The following AP3S2 variants were observed in gnomAD, a reference collection of about 807,000 sequenced individuals.
AP3S2 encodes adaptor related protein complex 3 subunit sigma 2.
A neutral mutation model predicts 23.4 loss-of-function variants in AP3S2; 22 were observed. The observed-to-expected ratio is 0.94, with a 90% confidence interval of 0.67 to 1.34. AP3S2 has a LOEUF of 1.34. Ranked by LOEUF, AP3S2 falls within the 40% of genes most tolerant of loss-of-function variation. The pLI is 0.00. For synonymous variants in AP3S2, 86 were observed against 87.1 expected (o/e 0.99, Z 0.07); for missense variants, 241 against 236.9 (o/e 1.02, Z -0.11).
intron 4 of AP3S2, among the ~76,000 whole-genome samples, chr15:89,869,580 A>G (rs1195565139): frequency 1.3e-5 from 2 of 150,872 alleles, no homozygotes; most frequent in African/African-American, 2.4e-5. Context: ...AAAAAAAAAA[A>G]AAAAAAGAAA....
In AP3S2 at chr15:89,836,776, C is replaced by T. The variant is rs1596184134; in HGVS notation, c.453+839G>A. ...ACTCACTTACTATTCCTGGAATCTT[C>T]CCAGCCTACATTTCTAAAAGAACTA... On this transcript the variant is annotated intron_variant, in intron 5 of 5. Coordinates refer to ENST00000336418, the MANE Select transcript of AP3S2 (RefSeq NM_005829.5). Among the ~76,000 whole-genome samples the T allele has an allele frequency of 4.6e-5, 7 of 152,294 alleles. 1 individual carries two copies. Among genetic ancestry groups the T allele is most frequent in the Admixed American group, 3.9e-4 (6 of 15,296 alleles).
chr15:89,833,227 G>A lies in AP3S2; in HGVS notation c.*2288C>T, dbSNP rs4932145. 42,684 of 152,040 alleles carry A rather than the reference G, an allele frequency of 0.28. 6,542 individuals are homozygous for A. The highest frequency in any genetic ancestry group is 0.58 in the East Asian group (2,986 of 5,170). 9.4% of individuals were successfully genotyped at this position (152,040 alleles called of 1,614,324 possible). ...ATCAGTTAAATGGAGGGACACAGAC[G>A]ACTCTTTGGCTCTTATACTCTATGA... On this transcript the variant is annotated 3_prime_UTR_variant, in exon 6 of 6. Coordinates refer to ENST00000336418, the MANE Select transcript of AP3S2 (RefSeq NM_005829.5).
intron 4 of AP3S2, chr15:89,850,586 T>C (rs1277718772): frequency 6.5e-6 from 1 of 153,298 alleles, no homozygotes; most frequent in Admixed American, 6.5e-5. Flanking sequence ...GTACTGTATT[T>C]AGAATTTTTC....
chr15:89,868,488 C>G (rs1242970454), intron 4 of AP3S2, among the ~76,000 whole-genome samples: 7 of 98,016 alleles, frequency 7.1e-5, no homozygotes, highest in African/African-American at 2.7e-4. Flanking sequence ...CCCCTCTGCC[C>G]GGCCAGCCGC....
At chr15:89,838,653 A>G (rs1277780154) in intron 4 of AP3S2, among the ~76,000 whole-genome samples, 1 of 152,234 alleles carries the variant, frequency 6.6e-6, no homozygotes, top group Non-Finnish European at 1.5e-5. Flanking sequence ...TTGGGAAGAC[A>G]GCAAGTACAA....
chr15:89,854,576 G>T (rs1428431533), intron 4 of AP3S2, among the ~76,000 whole-genome samples: 1 of 90,650 alleles, frequency 1.1e-5, no homozygotes, highest in Non-Finnish European at 2.4e-5. Flanking sequence ...AGGTGGGGGG[G>T]GTCAGCACCC....
At position 89,832,486 on chromosome 15, in the gene AP3S2, A is replaced by ATTTTTT. The variant is rs34112328; in HGVS notation, c.*3023_*3028dup. 2.6e-5 allele frequency: 3 copies of ATTTTTT among 115,886 alleles called. No homozygotes were observed. Among genetic ancestry groups the ATTTTTT allele is most frequent in the East Asian group, 2.5e-4 (1 of 4,032 alleles). 7.2% of individuals were successfully genotyped at this position (115,886 alleles called of 1,614,324 possible). ...CTAGTATTCTATACAACCTTAACCT[A>ATTTTTT]TTTTTTTTTTTTTTTTTTTTGAGAC... is the stretch of plus-strand genomic sequence containing the variant. On this transcript the variant is annotated 3_prime_UTR_variant, in exon 6 of 6. Coordinates refer to ENST00000336418, the MANE Select transcript of AP3S2 (RefSeq NM_005829.5).
chr15:89,871,618 G>A, intron 3 of AP3S2, 72 bp from the exon 4 acceptor site: 1 of 1,474,298 alleles, frequency 6.8e-7, no homozygotes, highest in Non-Finnish European at 9.4e-7. Flanking sequence ...TGTCACATCT[G>A]AAAGTAAAAG....
intron 4 of AP3S2, among the ~76,000 whole-genome samples, chr15:89,864,643 A>G (rs1896077340): frequency 6.6e-6 from 1 of 151,448 alleles, no homozygotes; most frequent in African/African-American, 2.4e-5. Flanking sequence ...TGCCGGGTTC[A>G]AGTGATTCTC....
At chr15:89,837,510 A>G in intron 5 of AP3S2, 105 bp downstream of exon 5, 1 of 1,298,666 alleles carries the variant, frequency 7.7e-7, no homozygotes, top group Non-Finnish European at 1.1e-6. Flanking sequence ...GATGAGTATC[A>G]TTTCCCGAGG....
chr15:89,864,663 C>T (rs1896078036), intron 4 of AP3S2, among the ~76,000 whole-genome samples: 2 of 151,958 alleles, frequency 1.3e-5, no homozygotes, highest in South Asian at 4.2e-4. Context: ...CCTGCCTCAG[C>T]CTCTCAAGTA....
At chr15:89,857,677 T>C (rs895967158) in intron 4 of AP3S2, among the ~76,000 whole-genome samples, 2 of 152,206 alleles carry the variant, frequency 1.3e-5, no homozygotes, top group African/African-American at 4.8e-5. Flanking sequence ...ACTCCTCTAT[T>C]TTTCTGTTAC....
In AP3S2 at chr15:89,878,376, A is replaced by C. The variant is rs1199411561; in HGVS notation, c.274-6830T>G. The C allele has an allele frequency of 5.2e-6, 3 of 579,876 alleles. No individual in the cohort carries two copies. The African/African-American group carries it at 5.8e-5, about 11-fold the overall frequency. 35.9% of individuals were successfully genotyped at this position (579,876 alleles called of 1,614,324 possible). On this transcript the variant is annotated intron_variant, in intron 3 of 5. Coordinates refer to ENST00000336418, the MANE Select transcript of AP3S2 (RefSeq NM_005829.5). The stretch of plus-strand genomic sequence containing the variant: ...TATAACAAAAAAAGAATATGCATAC[A>C]ATTAGGAAAAAATCTAACTTACAAA...
At chr15:89,847,820 A>G (rs1431246049) in intron 4 of AP3S2, among the ~76,000 whole-genome samples, 1 of 152,230 alleles carries the variant, frequency 6.6e-6, no homozygotes, top group African/African-American at 2.4e-5. Flanking sequence ...TAAAGGTAAT[A>G]AGTAAGATTT....
chr15:89,858,087 C>T (rs1895883142), intron 4 of AP3S2, among the ~76,000 whole-genome samples: 1 of 152,070 alleles, frequency 6.6e-6, no homozygotes, highest in African/African-American at 2.4e-5. Flanking sequence ...CATTACCTAG[C>T]CTACCTTGAT....
At chr15:89,893,064 G>A (rs1896856072) in intron 1 of AP3S2, 1 of 152,092 alleles carries the variant, frequency 6.6e-6, no homozygotes, top group Non-Finnish European at 1.5e-5. Flanking sequence ...ATTTCTAATT[G>A]ACAAAAGACA....
At chr15:89,875,273 G>T (rs1896416382) in intron 3 of AP3S2, among the ~76,000 whole-genome samples, 1 of 152,226 alleles carries the variant, frequency 6.6e-6, no homozygotes, top group Non-Finnish European at 1.5e-5. Flanking sequence ...GATGTTTCAT[G>T]AAACTAAGAC....
chr15:89,836,768 G>A (rs992049951), intron 5 of AP3S2, among the ~76,000 whole-genome samples: 5 of 152,058 alleles, frequency 3.3e-5, no homozygotes, highest in African/African-American at 1.2e-4. Flanking sequence ...TACTATTCCT[G>A]GAATCTTCCC....
intron 4 of AP3S2, among the ~76,000 whole-genome samples, chr15:89,868,565 T>G (rs1333307903): frequency 1.6e-4 from 12 of 73,926 alleles, no homozygotes; most frequent in Non-Finnish European, 2.7e-4. Flanking sequence ...GGGAGGGAGG[T>G]GGGGGGGTCA....
Sources: allele counts gnomAD v4.1 joint callset (sites outside exome capture counted in the v4.1 genomes callset), GRCh38; gene constraint gnomAD v4.1.1; transcripts MANE v1.5; gene names NCBI Gene and HGNC (gene_info 2026-07-23, HGNC 2026-07-21).